DTNA: variants seen among roughly 807,000 people sequenced by gnomAD.
The protein encoded by DTNA is dystrobrevin alpha, also known as dystrophin-related protein 3.
Under a neutral mutation model 100.7 loss-of-function variants are expected in DTNA, and 43 were observed. That is an observed-to-expected ratio of 0.43 (90% CI 0.33 to 0.55). DTNA has a LOEUF of 0.55. DTNA is among the 20% of genes least tolerant of loss of function. The pLI, the probability that DTNA is intolerant of heterozygous loss-of-function variation, is 0.04. For synonymous variants in DTNA, 349 were observed against 347.9 expected (o/e 1.00, Z -0.04); for missense variants, 798 against 953.9 (o/e 0.84, Z 2.15).
At chr18:34,509,520 T>C (rs990526147) in intron 1 of DTNA, among the ~76,000 whole-genome samples, 1 of 152,092 alleles carries the variant, frequency 6.6e-6, no homozygotes, top group Non-Finnish European at 1.5e-5. Context: ...GTAAAAATAA[T>C]GTTTATCATA....
intron 1 of DTNA, among the ~76,000 whole-genome samples, chr18:34,521,491 C>T (rs2042143255): frequency 6.6e-6 from 1 of 152,124 alleles, no homozygotes; most frequent in Non-Finnish European, 1.5e-5. Context: ...AGTCATGTCC[C>T]ATCACACTTA....
intron 1 of DTNA, among the ~76,000 whole-genome samples, chr18:34,747,150 GAAAT>G (rs1433357534): frequency 6.7e-6 from 1 of 149,304 alleles, no homozygotes; most frequent in African/African-American, 2.5e-5. Flanking sequence ...TCCTCTAAAA[GAAAT>G]AAATATCTTC....
chr18:34,584,218 T>A (rs2048909028), intron 1 of DTNA, among the ~76,000 whole-genome samples: 1 of 152,046 alleles, frequency 6.6e-6, no homozygotes, highest in Admixed American at 6.5e-5. Flanking sequence ...TTTATGGTAA[T>A]GTCCTGGAGC....
At chr18:34,510,691 T>TG (rs1211964675) in intron 1 of DTNA, among the ~76,000 whole-genome samples, 7 of 149,966 alleles carry the variant, frequency 4.7e-5, no homozygotes, top group Non-Finnish European at 1.5e-5. Context: ...CAGAATCATC[T>TG]GGGGGGTTTG....
rs2095494217 is a variant in DTNA at position 34,811,897 on chromosome 18, T to C, written c.449-62T>C. On this transcript the variant is annotated intron_variant, in intron 5 of 22. Transcript: ENST00000444659. The stretch of plus-strand genomic sequence containing the variant: ...TTTTTGTCATTTGTAGCAGATATAT[T>C]GAACAAAAACAGTGGAGAATGTTCA... The C allele has an allele frequency of 2.5e-6, 4 of 1,598,454 alleles. No homozygotes were observed. In the South Asian group the frequency reaches 3.3e-5, roughly 13 times the overall value.
chr18:34,559,307 G>A (rs1040176867), intron 1 of DTNA, among the ~76,000 whole-genome samples: 3 of 152,082 alleles, frequency 2.0e-5, no homozygotes, highest in African/African-American at 4.8e-5. Context: ...TTGCAATTTC[G>A]CCAGGGTGAG....
chr18:34,555,435 T>C (rs1466433571), intron 1 of DTNA, among the ~76,000 whole-genome samples: 2 of 151,872 alleles, frequency 1.3e-5, no homozygotes, highest in Admixed American at 6.6e-5. Flanking sequence ...ATGTGTTTGC[T>C]CTTGCTTTTC....
intron 7 of DTNA, chr18:34,817,911 T>A (rs1385168228): frequency 7.7e-7 from 1 of 1,306,350 alleles, no homozygotes; most frequent in Non-Finnish European, 9.9e-7. Flanking sequence ...AAAGAGCAAA[T>A]GGCATTACAG....
chr18:34,815,717 T>C (rs1157226925), intron 6 of DTNA, 192 bp from the exon 7 acceptor site: 5 of 570,586 alleles, frequency 8.8e-6, no homozygotes, highest in South Asian at 5.9e-5. Context: ...CTATGTCTGC[T>C]TAGGTATAAA....
intron 6 of DTNA, among the ~76,000 whole-genome samples, chr18:34,814,978 A>G (rs1341746182): frequency 6.6e-6 from 1 of 152,096 alleles, no homozygotes; most frequent in African/African-American, 2.4e-5. Flanking sequence ...TTTGTACTTA[A>G]TGAATTGGCT....
rs538256377 is a variant in DTNA at position 34,624,391 on chromosome 18, T to C, written c.-2+130877T>C. On this transcript the variant is annotated intron_variant, in intron 1 of 19. Coordinates refer to the DTNA transcript ENST00000283365. Reference sequence around the variant, plus strand: ...ACCTACTATGTTGAAATATCTGTTATTGCATTTTTGATATAGCAACTGCCC... The same window carrying C: ...ACCTACTATGTTGAAATATCTGTTACTGCATTTTTGATATAGCAACTGCCC... Among the ~76,000 whole-genome samples, 5 of 152,334 alleles carry C rather than the reference T, an allele frequency of 3.3e-5. No homozygotes were observed. The South Asian group carries it at 6.2e-4, about 19-fold the overall frequency.
chr18:34,559,121 CATA>C (rs1487000910), intron 1 of DTNA, among the ~76,000 whole-genome samples: 3 of 152,116 alleles, frequency 2.0e-5, no homozygotes, highest in Non-Finnish European at 4.4e-5. Context: ...ACATGATACC[CATA>C]ATGCCTGATT....
chr18:34,699,303 C>G (rs2081047750), intron 1 of DTNA, among the ~76,000 whole-genome samples: 1 of 152,078 alleles, frequency 6.6e-6, no homozygotes, highest in Non-Finnish European at 1.5e-5. Context: ...AGGCTGAATC[C>G]AAAAGCAAGA....
Position 34,879,687 on chromosome 18 carries a change from T to C in DTNA, c.2130T>C (p.Ser710=). ...CCCGAAAACCTGGGTACATTCACAG[T>C]GGAGCTACCACAAGTACCATGCGTG... is the stretch of plus-strand genomic sequence containing the variant. ...IHARKPGYIH[S]GATTSTMRGD... The change falls in exon 20 of 23, where the codon AGT becomes AGC. Residue 710 remains serine, a synonymous_variant. Coordinates refer to ENST00000444659, the MANE Select transcript of DTNA (RefSeq NM_001386795.1). The C allele has an allele frequency of 6.2e-7, 1 of 1,614,096 alleles. No homozygotes were observed.
At chr18:34,543,963 G>A (rs2044505823) in intron 1 of DTNA, among the ~76,000 whole-genome samples, 1 of 152,090 alleles carries the variant, frequency 6.6e-6, no homozygotes. Flanking sequence ...TTTAGAGCCA[G>A]CTGTTAACTT....
At chr18:34,659,065 C>T (rs1488155198) in intron 1 of DTNA, among the ~76,000 whole-genome samples, 2 of 151,992 alleles carry the variant, frequency 1.3e-5, no homozygotes, top group African/African-American at 2.4e-5. Context: ...CACCTACTGC[C>T]TTCCTATCCA....
At chr18:34,550,506 C>T (rs759144771) in intron 1 of DTNA, among the ~76,000 whole-genome samples, 2 of 152,118 alleles carry the variant, frequency 1.3e-5, no homozygotes, top group Non-Finnish European at 2.9e-5. Flanking sequence ...GGTGAATCGA[C>T]ACATTTTTTA....
At chr18:34,815,441 A>G (rs1006693463) in intron 6 of DTNA, among the ~76,000 whole-genome samples, 1 of 152,224 alleles carries the variant, frequency 6.6e-6, no homozygotes, top group East Asian at 1.9e-4. Context: ...TAACAGAACC[A>G]TTCACATTAA....
intron 1 of DTNA, among the ~76,000 whole-genome samples, chr18:34,627,020 T>C (rs2057411345): frequency 6.6e-6 from 1 of 152,168 alleles, no homozygotes; most frequent in Non-Finnish European, 1.5e-5. Context: ...TCACAATGCA[T>C]GTTTTTATAG....
Sources: allele counts gnomAD v4.1 joint callset (sites outside exome capture counted in the v4.1 genomes callset), GRCh38; gene constraint gnomAD v4.1.1; transcripts MANE v1.5; gene names NCBI Gene and HGNC (gene_info 2026-07-23, HGNC 2026-07-21).